Variants in HOTAIR observed in about 807,000 individuals in gnomAD.
HOTAIR encodes the protein HOX transcript antisense RNA.
rs377285184 is a variant in HOTAIR, at chr12:53,973,694, C to A, written n.59+1204G>T. ...AGAACAGCGTCCTGCCTCAAGCCTT[C>A]GACCGTTTCTTCGACAACGCCTACT... is the stretch of plus-strand genomic sequence containing the variant. On this transcript the variant is annotated intron_variant and non_coding_transcript_variant, in intron 1 of 6. Coordinates refer to ENST00000424518, the Ensembl canonical transcript of HOTAIR. The surrounding 1 kb of genome is among the most constrained non-coding windows in gnomAD (Gnocchi z 4.3). 5.0e-6 allele frequency: 8 copies of A among 1,613,586 alleles called. No homozygotes were observed. The highest frequency in any genetic ancestry group is 6.8e-6 in the Non-Finnish European group (8 of 1,180,038).
Position 53,973,241 on chromosome 12 carries a change from G to C in HOTAIR, n.59+1657C>G. Reference sequence around the variant, plus strand: ...TCCGGAGCCGGCAGGAGAGGAGAACGATGTTTAACTCGGTCAACCTGGGCA... The same window carrying C: ...TCCGGAGCCGGCAGGAGAGGAGAACCATGTTTAACTCGGTCAACCTGGGCA... On this transcript the variant is annotated intron_variant and non_coding_transcript_variant, in intron 1 of 6. Coordinates refer to ENST00000424518, the Ensembl canonical transcript of HOTAIR. This position sits in a 1 kb window ranked among gnomAD's most constrained non-coding sequence, Gnocchi z 4.3. The C allele has an allele frequency of 6.3e-7, 1 of 1,576,946 alleles. No individual in the cohort carries two copies. The highest frequency in any genetic ancestry group is 8.6e-7 in the Non-Finnish European group (1 of 1,163,864).
exon 7 of HOTAIR, chr12:53,963,356 G>A (rs1351326811): frequency 6.6e-6 from 1 of 152,236 alleles, no homozygotes; most frequent in Non-Finnish European, 1.5e-5. Context: ...ACCCCTTTGG[G>A]GAAGCATTTT....
At chr12:53,962,825 A>G (rs1163014526) in exon 7 of HOTAIR, 1 of 152,140 alleles carries the variant, frequency 6.6e-6, no homozygotes, top group Non-Finnish European at 1.5e-5. Flanking sequence ...CTTTTGTCCC[A>G]AGCTGGGGTC....
At chr12:53,971,124 G>T (rs1353935279) in intron 1 of HOTAIR, among the ~76,000 whole-genome samples, 1 of 152,054 alleles carries the variant, frequency 6.6e-6, no homozygotes, top group East Asian at 1.9e-4. Flanking sequence ...AAAAATGCTG[G>T]CCCCATCTCA....
At chr12:53,974,887 C>G (rs750861881) in intron 1 of HOTAIR, 83 of 329,896 alleles carry the variant, frequency 2.5e-4, no homozygotes, top group Admixed American at 1.4e-3. Context: ...CCCGAGGGGA[C>G]GCACGTGTAC....
Position 53,973,578 on chromosome 12 carries a change from A to C in HOTAIR, n.59+1320T>G, listed in dbSNP as rs1392981948. On this transcript the variant is annotated intron_variant and non_coding_transcript_variant, in intron 1 of 6. Transcript: ENST00000424518. The surrounding 1 kb of genome is among the most constrained non-coding windows in gnomAD (Gnocchi z 4.3). Reference sequence around the variant, plus strand: ...CCTGCCTCCTTCCACCGTCACCGAGATCCTCATGAAAAACGAAGGCTCCTA... The same window carrying C: ...CCTGCCTCCTTCCACCGTCACCGAGCTCCTCATGAAAAACGAAGGCTCCTA... 6.2e-7 allele frequency: 1 copy of C among 1,612,932 alleles called. No homozygotes were observed.
Position 53,973,758 on chromosome 12 carries a change from G to C in HOTAIR, n.59+1140C>G. On this transcript the variant is annotated intron_variant and non_coding_transcript_variant, in intron 1 of 6. Coordinates refer to ENST00000424518, the Ensembl canonical transcript of HOTAIR. The surrounding 1 kb of genome is among the most constrained non-coding windows in gnomAD (Gnocchi z 4.3). ...CCCGCCCGCCGAGCCCCCCTGCTCC[G>C]GCAAGGGCGAGGCCAAGGGGGAGCC... The C allele has an allele frequency of 6.2e-7, 1 of 1,612,332 alleles. No homozygotes were observed. The highest frequency in any genetic ancestry group is 2.2e-5 in the East Asian group (1 of 44,842).
Position 53,973,840 on chromosome 12 carries a change from A to T in HOTAIR, n.59+1058T>A, listed in dbSNP as rs1212312371. 2.4e-5 allele frequency: 34 copies of T among 1,442,300 alleles called. No homozygotes were observed. Among genetic ancestry groups the T allele is most frequent in the Non-Finnish European group, 3.0e-5 (33 of 1,097,056 alleles). 89.3% of individuals were successfully genotyped at this position (1,442,300 alleles called of 1,614,324 possible). On this transcript the variant is annotated intron_variant and non_coding_transcript_variant, in intron 1 of 6. Coordinates refer to ENST00000424518, the Ensembl canonical transcript of HOTAIR. This position sits in a 1 kb window ranked among gnomAD's most constrained non-coding sequence, Gnocchi z 4.3. ...CGGGCTGAGGCGGGTGCCGAGGCGG[A>T]GGCTGAGGAGGAGAACACAAATCCC...
intron 1 of HOTAIR, among the ~76,000 whole-genome samples, chr12:53,969,453 T>C (rs1039844974): frequency 1.3e-5 from 2 of 152,140 alleles, no homozygotes; most frequent in Admixed American, 6.5e-5. Flanking sequence ...GTGGCCTGAC[T>C]TGGGGACTCA....
In HOTAIR at chr12:53,963,038, G is replaced by C. The variant is rs576206070; in HGVS notation, n.1691C>G. 2.6e-5 allele frequency: 4 copies of C among 152,398 alleles called. No homozygotes were observed. In the South Asian group the frequency reaches 8.3e-4, roughly 32 times the overall value. The allele number at this position is 152,398 out of a possible 1,614,324, so 9.4% of individuals were successfully genotyped here. ...GTCTTGGAGAGGCGTGTAACAGGCA[G>C]GTGGATTCCTGGGTGGGTGCTGAAC... On this transcript the variant is annotated non_coding_transcript_exon_variant, in exon 7 of 7. Transcript: ENST00000424518.
At chr12:53,969,701 G>A (rs1460374574) in intron 1 of HOTAIR, among the ~76,000 whole-genome samples, 5 of 152,254 alleles carry the variant, frequency 3.3e-5, no homozygotes, top group Admixed American at 2.6e-4. Context: ...GGCCCAGCCT[G>A]TGAACAAACG....
At chr12:53,962,789 C>A (rs1219814039) in exon 7 of HOTAIR, 1 of 152,044 alleles carries the variant, frequency 6.6e-6, no homozygotes, top group Non-Finnish European at 1.5e-5. Flanking sequence ...TTTAAGTGTT[C>A]TCCTATGTCT....
rs757677486 is a variant in HOTAIR, at chr12:53,973,825, C to T, written n.59+1073G>A. On this transcript the variant is annotated intron_variant and non_coding_transcript_variant, in intron 1 of 6. Transcript: ENST00000424518. The surrounding 1 kb of genome is among the most constrained non-coding windows in gnomAD (Gnocchi z 4.3). ...TCGGGACTGGCGTCCCGGGCTGAGG[C>T]GGGTGCCGAGGCGGAGGCTGAGGAG... 3 of 1,499,262 alleles carry T rather than the reference C, an allele frequency of 2.0e-6. No individual in the cohort carries two copies. In the South Asian group the frequency reaches 3.8e-5, roughly 19 times the overall value. 92.9% of individuals were successfully genotyped at this position (1,499,262 alleles called of 1,614,324 possible). A position where few individuals can be genotyped will look rare whatever the true frequency, so the allele number is the denominator to read the frequency against.
rs764206745 is a variant in HOTAIR, at chr12:53,973,538, T to G, written n.59+1360A>C. ...CCTGCTATGCGGCGGCCGACGAGCT[T>G]ATGCACCGGGAGTGCCTGCCTCCTT... On this transcript the variant is annotated intron_variant and non_coding_transcript_variant, in intron 1 of 6. Transcript: ENST00000424518. This position sits in a 1 kb window ranked among gnomAD's most constrained non-coding sequence, Gnocchi z 4.3. 1 of 1,613,472 alleles carries G rather than the reference T, an allele frequency of 6.2e-7. No homozygotes were observed. Among genetic ancestry groups the G allele is most frequent in the East Asian group, 2.2e-5 (1 of 44,850 alleles).
chr12:53,974,155 C>T (rs1939205210), intron 1 of HOTAIR, among the ~76,000 whole-genome samples: 1 of 152,114 alleles, frequency 6.6e-6, no homozygotes, highest in African/African-American at 2.4e-5. Flanking sequence ...GGGAAAAGGG[C>T]TCTTTGGAAA....
intron 1 of HOTAIR, among the ~76,000 whole-genome samples, chr12:53,969,375 G>A (rs531567246): frequency 6.6e-6 from 1 of 152,288 alleles, no homozygotes; most frequent in South Asian, 2.1e-4. Flanking sequence ...CAAAGGAGCT[G>A]TCCTTCTCCC....
intron 1 of HOTAIR, among the ~76,000 whole-genome samples, chr12:53,969,078 G>C (rs1055093478): frequency 6.6e-6 from 1 of 152,216 alleles, no homozygotes; most frequent in Non-Finnish European, 1.5e-5. Context: ...CGGCCAACCC[G>C]CCTCTGCTCT....
At chr12:53,965,576 G>A (rs1446039726) in intron 5 of HOTAIR, among the ~76,000 whole-genome samples, 1 of 152,158 alleles carries the variant, frequency 6.6e-6, no homozygotes, top group African/African-American at 2.4e-5. Flanking sequence ...GTTGTTTCCG[G>A]GATTTGAGAC....
exon 4 of HOTAIR, chr12:53,966,300 G>A (rs954774061): frequency 4.0e-5 from 6 of 151,812 alleles, no homozygotes; most frequent in Non-Finnish European, 5.9e-5. Flanking sequence ...TGTAACTCTG[G>A]GCTCCCTCTC....
Sources: allele counts gnomAD v4.1 joint callset (sites outside exome capture counted in the v4.1 genomes callset), GRCh38; gene constraint gnomAD v4.1.1; non-coding constraint Gnocchi (gnomAD v3.1); transcripts MANE v1.5; gene names NCBI Gene and HGNC (gene_info 2026-07-23, HGNC 2026-07-21).